The following YARS1 variants were observed in gnomAD, a reference collection of about 807,000 sequenced individuals.
The protein encoded by YARS1 is tyrosine--tRNA ligase, cytoplasmic.
YARS1 carries 36 observed loss-of-function variants against 62.2 expected under a neutral mutation model. The observed-to-expected ratio is 0.58, with a 90% CI of 0.44 to 0.76. The LOEUF (loss-of-function observed/expected upper bound fraction) is 0.76. YARS1 is among the 30% of genes least tolerant of loss of function. YARS1 has a pLI of 0.00. For synonymous variants in YARS1, 234 were observed against 244.9 expected, an observed-to-expected ratio of 0.96 and a Z score of 0.42; for missense variants, 524 against 639.8, an observed-to-expected ratio of 0.82 and a Z score of 1.95.
In YARS1 at chr1:32,786,987, T is replaced by C. The variant is rs1186541108; in HGVS notation, c.773A>G (p.Asn258Ser). 1 of 1,614,154 alleles carries C rather than the reference T, an allele frequency of 6.2e-7. No homozygotes were observed. The highest frequency in any genetic ancestry group is 1.7e-5 in the Admixed American group (1 of 60,018). ...ATGCTTGATGAAGGACAGAACCCCA[T>C]TGTTCTCCACATTTCCTGGCTCACA... ...AFCEPGNVEN[N>S]GVLSFIKHVL... The change falls in exon 7 of 13, where the codon AAT becomes AGT. Residue 258 changes from asparagine to serine, a missense_variant. By Grantham distance (46) the Asn-to-Ser change is conservative (BLOSUM62 1). Transcript: ENST00000373477.
chr1:32,786,860 T>C (rs909190834), intron 7 of YARS1, 80 bp downstream of exon 7: 10 of 1,589,118 alleles, frequency 6.3e-6, no homozygotes, highest in Non-Finnish European at 8.6e-6. Flanking sequence ...AGGAAGAGTC[T>C]GTGACAAATC....
chr1:32,784,684 C>T (rs1291237000), intron 8 of YARS1, among the ~76,000 whole-genome samples: 2 of 152,074 alleles, frequency 1.3e-5, no homozygotes, highest in Non-Finnish European at 2.9e-5. Context: ...ATATTCTTTT[C>T]ATTATATATA....
At position 32,782,457 on chromosome 1, in the gene YARS1, G is replaced by A; in HGVS notation, c.989C>T (p.Thr330Ile). ...GCTGGCCAGTTTTTTCAGGGCAGGG[G>A]TATTAAACTTTTCCCGGATTGGATC... ...LLDPIREKFN[T>I]PALKKLASAA... Residue 330 changes from threonine to isoleucine, a missense_variant, in exon 9 of 13, where the codon ACC (threonine) becomes ATC (isoleucine). By Grantham distance (89) the Thr-to-Ile change is moderately conservative. Transcript: ENST00000373477. 6.2e-7 allele frequency: 1 copy of A among 1,614,088 alleles called. No individual in the cohort carries two copies. Among genetic ancestry groups the A allele is most frequent in the African/African-American group, 1.3e-5 (1 of 75,002 alleles).
chr1:32,808,917 T>C (rs1638521465), intron 3 of YARS1, among the ~76,000 whole-genome samples: 1 of 152,174 alleles, frequency 6.6e-6, no homozygotes, highest in Non-Finnish European at 1.5e-5. Flanking sequence ...ATAGGGACTT[T>C]TGTTTTGGCT....
At chr1:32,791,899 CT>C (rs1220569257) in intron 5 of YARS1, among the ~76,000 whole-genome samples, 1 of 152,120 alleles carries the variant, frequency 6.6e-6, no homozygotes, top group East Asian at 1.9e-4. Context: ...CCACACTTGC[CT>C]TGGGCTTTCT....
chr1:32,781,207 C>G (rs1312881330), intron 9 of YARS1, 62 bp from the exon 10 acceptor site: 1 of 1,320,500 alleles, frequency 7.6e-7, no homozygotes, highest in Non-Finnish European at 1.1e-6. Flanking sequence ...GCTGCTGATC[C>G]CACCACGTTA....
At chr1:32,813,202 G>A (rs1003352949) in intron 1 of YARS1, among the ~76,000 whole-genome samples, 1 of 152,140 alleles carries the variant, frequency 6.6e-6, no homozygotes, top group East Asian at 1.9e-4. Context: ...TGTATAAAAC[G>A]AAGCTGTAAC....
At chr1:32,814,338 G>A (rs186061839) in intron 1 of YARS1, among the ~76,000 whole-genome samples, 1 of 152,164 alleles carries the variant, frequency 6.6e-6, no homozygotes, top group African/African-American at 2.4e-5. Context: ...CAGGATTACC[G>A]TAACATTCTC....
chr1:32,809,871 C>T (rs944205139), intron 3 of YARS1, among the ~76,000 whole-genome samples: 6 of 152,004 alleles, frequency 3.9e-5, no homozygotes, highest in East Asian at 1.9e-4. Flanking sequence ...TTTGGGAGAC[C>T]GAGGTGGGCG....
At chr1:32,786,009 A>G (rs1486760216) in intron 8 of YARS1, among the ~76,000 whole-genome samples, 2 of 152,064 alleles carry the variant, frequency 1.3e-5, no homozygotes, top group East Asian at 1.9e-4. Flanking sequence ...CTGCTTTTGT[A>G]CATCCTAAAG....
intron 9 of YARS1, 85 bp downstream of exon 9, chr1:32,782,319 C>A: frequency 1.2e-6 from 2 of 1,610,116 alleles, no homozygotes; most frequent in Admixed American, 3.3e-5. Context: ...GTTGTTGTGC[C>A]CTCAATTTAA....
chr1:32,808,476 C>T (rs1464219998), intron 3 of YARS1, among the ~76,000 whole-genome samples: 1 of 152,144 alleles, frequency 6.6e-6, no homozygotes, highest in East Asian at 1.9e-4. Context: ...GCTGAGATTA[C>T]AGGCGTGAGC....
intron 6 of YARS1, among the ~76,000 whole-genome samples, chr1:32,790,181 CTTTTTTTTTT>C (rs750131866): frequency 8.7e-6 from 1 of 115,416 alleles, no homozygotes; most frequent in Admixed American, 9.0e-5. Flanking sequence ...CCACGCAGGC[CTTTTTTTTTT>C]TTTTTTTTTT....
Position 32,797,743 on chromosome 1 carries a change from A to G in YARS1, c.591+20T>C. 1.9e-6 allele frequency: 3 copies of G among 1,610,644 alleles called. No homozygotes were observed. In the Middle Eastern group the frequency reaches 5.0e-4, roughly 266 times the overall value. On this transcript the variant is annotated intron_variant, in intron 5 of 12. Coordinates refer to ENST00000373477, the MANE Select transcript of YARS1 (RefSeq NM_003680.4). ...ACCTCTGAGGTGCAAGTGAAAAAAG[A>G]CAGGAAAGCAGACACTCACCTTCTC...
chr1:32,785,472 A>AC (rs1279188412), intron 8 of YARS1, among the ~76,000 whole-genome samples: 1 of 150,482 alleles, frequency 6.6e-6, no homozygotes. Context: ...AAAAAAAAAA[A>AC]CCCCACAAAA....
chr1:32,799,832 TCA>T (rs1164868019), intron 4 of YARS1, among the ~76,000 whole-genome samples: 1 of 152,042 alleles, frequency 6.6e-6, no homozygotes, highest in South Asian at 2.1e-4. Context: ...AGATGGAGTC[TCA>T]CACACACAGA....
rs140792269 is a variant in YARS1, at chr1:32,814,572, T to C, written c.57+2616A>G. Among the ~76,000 whole-genome samples, 65 of 152,256 alleles carry C rather than the reference T, an allele frequency of 4.3e-4. 1 individual carries two copies. The East Asian group carries it at 0.011, about 25-fold the overall frequency. On this transcript the variant is annotated intron_variant, in intron 1 of 12. Coordinates refer to ENST00000373477, the MANE Select transcript of YARS1 (RefSeq NM_003680.4). ...GCCAGAGAAATTTTTGTATTTTTAG[T>C]AGAGATGGGGTTTCACTATGTTGGC...
chr1:32,805,488 CTT>C (rs1030547025), intron 4 of YARS1, among the ~76,000 whole-genome samples: 2 of 152,050 alleles, frequency 1.3e-5, no homozygotes, highest in African/African-American at 4.8e-5. Context: ...ATAAGTGAAA[CTT>C]ATGTCTGTTT....
intron 4 of YARS1, among the ~76,000 whole-genome samples, chr1:32,804,881 C>G: frequency 6.6e-6 from 1 of 152,054 alleles, no homozygotes; most frequent in East Asian, 1.9e-4. Context: ...CCAAGGCAGG[C>G]GGCTGGGAGG....
Sources: allele counts gnomAD v4.1 joint callset (sites outside exome capture counted in the v4.1 genomes callset), GRCh38; gene constraint gnomAD v4.1.1; transcripts MANE v1.5; gene names NCBI Gene and HGNC (gene_info 2026-07-23, HGNC 2026-07-21).